The following UBA6 variants were observed in gnomAD, a reference collection of about 807,000 sequenced individuals.
UBA6 encodes the protein ubiquitin-like modifier-activating enzyme 6.
UBA6 carries 87 observed loss-of-function variants against 148.3 expected under a neutral mutation model. The ratio of observed to expected loss-of-function variants is 0.59; its 90% CI spans 0.49 to 0.70. UBA6 has a LOEUF of 0.70. Among genes scored for constraint, UBA6 ranks in the 30% least tolerant of loss-of-function variants. The pLI, the probability that UBA6 is intolerant of heterozygous loss-of-function variation, is 0.00. For missense variants in UBA6, 1,186 were observed against 1,241.2 expected (o/e 0.96, Z 0.67); for synonymous variants, 376 against 401.0 (o/e 0.94, Z 0.75).
rs569990753 is a variant in UBA6 at position 67,639,740 on chromosome 4, TA to T, written c.1555-617del. Among the ~76,000 whole-genome samples the T allele has an allele frequency of 1.5e-3, 231 of 152,302 alleles. 3 individuals carry two copies. The highest frequency in any genetic ancestry group is 3.1e-3 in the African/African-American group (129 of 41,570). ...TTTTCATATACACACATACCTATGATAAAGTTTAATTTATAAATTATGCATA... is the reference window on the plus strand; with the variant it reads ...TTTTCATATACACACATACCTATGATAAGTTTAATTTATAAATTATGCATA... On this transcript the variant is annotated intron_variant, in intron 18 of 32. Transcript: ENST00000322244.
In UBA6 at chr4:67,696,518, T is replaced by TACAC. The variant is rs4058361; in HGVS notation, c.134+123_134+126dup. The TACAC allele has an allele frequency of 5.1e-4, 290 of 566,514 alleles. 1 individual carries two copies. Among genetic ancestry groups the TACAC allele is most frequent in the East Asian group, 2.2e-3 (72 of 32,652 alleles). The allele number at this position is 566,514 out of a possible 1,614,324, so 35.1% of individuals were successfully genotyped here. A position where few individuals can be genotyped will look rare whatever the true frequency, so the allele number is the denominator to read the frequency against. On this transcript the variant is annotated intron_variant, in intron 2 of 32. Transcript: ENST00000322244. ...ATATATACACACATACATATATACA[T>TACAC]ACACACACACACACACACACACACA... is the stretch of plus-strand genomic sequence containing the variant.
chr4:67,686,624 GA>G (rs1730569661), intron 2 of UBA6, among the ~76,000 whole-genome samples: 1 of 152,064 alleles, frequency 6.6e-6, no homozygotes, highest in Non-Finnish European at 1.5e-5. Flanking sequence ...AAGTTGGAGT[GA>G]GAAGAAAAGA....
At position 67,663,556 on chromosome 4, in the gene UBA6, T is replaced by C. The variant is rs200480816; in HGVS notation, c.960+329A>G. Reference sequence around the variant, plus strand: ...GGCTTTTTTGGTAAGAAATATGTATTGTATAAAATGGTACGATTCAGAAAA... The same window carrying C: ...GGCTTTTTTGGTAAGAAATATGTATCGTATAAAATGGTACGATTCAGAAAA... On this transcript the variant is annotated intron_variant, in intron 11 of 32. Coordinates refer to ENST00000322244, the MANE Select transcript of UBA6 (RefSeq NM_018227.6). 3.8e-5 allele frequency: 14 copies of C among 368,006 alleles called. No individual in the cohort carries two copies. In the East Asian group the frequency reaches 5.9e-4, roughly 15 times the overall value. 22.8% of individuals were successfully genotyped at this position (368,006 alleles called of 1,614,324 possible). A position where few individuals can be genotyped will look rare whatever the true frequency, so the allele number is the denominator to read the frequency against.
intron 14 of UBA6, among the ~76,000 whole-genome samples, chr4:67,647,336 GGGTT>G (rs1729442935): frequency 6.6e-6 from 1 of 151,968 alleles, no homozygotes; most frequent in African/African-American, 2.4e-5. Flanking sequence ...AGTAGACATG[GGGTT>G]TCACCATGTT....
chr4:67,658,968 AATTG>A (rs989500365), intron 13 of UBA6, among the ~76,000 whole-genome samples: 60 of 152,192 alleles, frequency 3.9e-4, no homozygotes, highest in African/African-American at 1.1e-3. Context: ...CGTACATCTG[AATTG>A]ATTGTGTACA....
Position 67,646,019 on chromosome 4 carries a change from GAAAA to G in UBA6, c.1317-7_1317-4del, listed in dbSNP as rs747303770. 4 of 1,536,854 alleles carry G rather than the reference GAAAA, an allele frequency of 2.6e-6. No homozygotes were observed. The highest frequency in any genetic ancestry group is 2.3e-5 in the East Asian group (1 of 42,812). Reference sequence around the variant, plus strand: ...TTAAGGCATCATATCTATCTCCTCTGAAAAAAATAACATATACCAAAAAGCAGAA... The same window carrying G: ...TTAAGGCATCATATCTATCTCCTCTGAAATAACATATACCAAAAAGCAGAA... On this transcript the variant is annotated splice_region_variant and splice_polypyrimidine_tract_variant and intron_variant, in intron 15 of 32. Coordinates refer to ENST00000322244, the MANE Select transcript of UBA6 (RefSeq NM_018227.6).
intron 2 of UBA6, among the ~76,000 whole-genome samples, chr4:67,686,943 T>A (rs1445462329): frequency 1.9e-5 from 1 of 52,608 alleles, no homozygotes; most frequent in Non-Finnish European, 3.4e-5. Flanking sequence ...AACAGCAAGA[T>A]CCTGTCTCTA....
chr4:67,616,390 T>C lies in UBA6; in HGVS notation c.*2607A>G. On this transcript the variant is annotated 3_prime_UTR_variant, in exon 33 of 33. Transcript: ENST00000322244. ...TTATAAAATAAACATAGTTGCTTTT[T>C]TAATGTTCCATGAATATCACCAGAG... 1 of 333,262 alleles carries C rather than the reference T, an allele frequency of 3.0e-6. No individual in the cohort carries two copies. Among genetic ancestry groups the C allele is most frequent in the Non-Finnish European group, 5.4e-6 (1 of 185,518 alleles). 20.6% of individuals were successfully genotyped at this position (333,262 alleles called of 1,614,324 possible). A position where few individuals can be genotyped will look rare whatever the true frequency, so the allele number is the denominator to read the frequency against.
chr4:67,694,215 C>CAAAAAAAAAA (rs769649769), intron 2 of UBA6, among the ~76,000 whole-genome samples: 11 of 41,874 alleles, frequency 2.6e-4, no homozygotes, highest in Admixed American at 4.8e-4. Flanking sequence ...GACTCCATCT[C>CAAAAAAAAAA]AAAAAAAAAA....
At chr4:67,678,977 A>G (rs990383811) in intron 4 of UBA6, among the ~76,000 whole-genome samples, 2 of 152,174 alleles carry the variant, frequency 1.3e-5, no homozygotes, top group Non-Finnish European at 2.9e-5. Context: ...ATAGCACACT[A>G]TTTGTAAGAG....
Position 67,616,033 on chromosome 4 carries a change from T to G in UBA6, c.*2964A>C. 2.6e-6 allele frequency: 1 copy of G among 387,222 alleles called. No individual in the cohort carries two copies. Among genetic ancestry groups the G allele is most frequent in the Non-Finnish European group, 4.6e-6 (1 of 218,466 alleles). The allele number at this position is 387,222 out of a possible 1,614,324, so 24.0% of individuals were successfully genotyped here. A position where few individuals can be genotyped will look rare whatever the true frequency, so the allele number is the denominator to read the frequency against. ...ACTGCATATTTATATTTTATGTATT[T>G]TTGAATATATATGTGTTTTTGAAAA... On this transcript the variant is annotated 3_prime_UTR_variant, in exon 33 of 33. Coordinates refer to ENST00000322244, the MANE Select transcript of UBA6 (RefSeq NM_018227.6).
intron 31 of UBA6, 87 bp downstream of exon 31, chr4:67,623,048 T>C: frequency 7.4e-7 from 1 of 1,353,834 alleles, no homozygotes; most frequent in Non-Finnish European, 1.0e-6. Context: ...GGTAAATAAT[T>C]ATAACTTCCA....
At chr4:67,636,332 G>A (rs2109907073) in intron 19 of UBA6, among the ~76,000 whole-genome samples, 2 of 152,270 alleles carry the variant, frequency 1.3e-5, no homozygotes, top group East Asian at 3.9e-4. Context: ...AGAATTTGGG[G>A]GAAAAGAAAG....
intron 2 of UBA6, among the ~76,000 whole-genome samples, chr4:67,685,558 TG>T (rs1730537104): frequency 6.6e-6 from 1 of 152,200 alleles, no homozygotes; most frequent in Admixed American, 6.5e-5. Flanking sequence ...GACAAAAATT[TG>T]GGGGGCCAGG....
intron 7 of UBA6, among the ~76,000 whole-genome samples, chr4:67,672,517 C>G (rs1281310480): frequency 6.6e-6 from 1 of 152,196 alleles, no homozygotes; most frequent in African/African-American, 2.4e-5. Flanking sequence ...TACAGCAAGC[C>G]ATAGTGATCC....
intron 18 of UBA6, among the ~76,000 whole-genome samples, chr4:67,640,857 A>G (rs1034624429): frequency 6.6e-6 from 1 of 152,172 alleles, no homozygotes; most frequent in East Asian, 1.9e-4. Context: ...TTAGAAACAT[A>G]TTTCTATATA....
intron 13 of UBA6, among the ~76,000 whole-genome samples, chr4:67,650,273 T>C (rs1729521614): frequency 6.6e-6 from 1 of 152,196 alleles, no homozygotes; most frequent in South Asian, 2.1e-4. Flanking sequence ...TAATTTCTAT[T>C]ATACAAGTAA....
chr4:67,616,507 GA>G lies in UBA6; in HGVS notation c.*2489del, dbSNP rs1393898194. On this transcript the variant is annotated 3_prime_UTR_variant, in exon 33 of 33. Coordinates refer to ENST00000322244, the MANE Select transcript of UBA6 (RefSeq NM_018227.6). ...ATGAGGAACTTATGGACAAGTAACAGAACTGCTTTGAACTCTAAAAAGAAAT... is the reference window on the plus strand; with the variant it reads ...ATGAGGAACTTATGGACAAGTAACAGACTGCTTTGAACTCTAAAAAGAAAT... 1 of 175,952 alleles carries G rather than the reference GA, an allele frequency of 5.7e-6. No individual in the cohort carries two copies. Among genetic ancestry groups the G allele is most frequent in the African/African-American group, 2.3e-5 (1 of 42,672 alleles). The allele number at this position is 175,952 out of a possible 1,614,324, so 10.9% of individuals were successfully genotyped here. A position where few individuals can be genotyped will look rare whatever the true frequency, so the allele number is the denominator to read the frequency against.
chr4:67,692,785 C>T (rs1730725061), intron 2 of UBA6, among the ~76,000 whole-genome samples: 1 of 152,108 alleles, frequency 6.6e-6, no homozygotes, highest in African/African-American at 2.4e-5. Flanking sequence ...ACACAAGGTA[C>T]TCTATAGAAA....
Sources: gnomAD v4.1 joint callset for allele counts (sites outside exome capture counted in the v4.1 genomes callset) on GRCh38, gnomAD v4.1.1 for gene constraint, MANE v1.5 for transcripts, NCBI Gene and HGNC (gene_info 2026-07-23, HGNC 2026-07-21) for gene names.